RRP7A: variants seen among roughly 807,000 people sequenced by gnomAD.
RRP7A encodes ribosomal RNA-processing protein 7 homolog A.
A neutral mutation model predicts 38.4 loss-of-function variants in RRP7A; 27 were observed. The ratio of observed to expected loss-of-function variants is 0.70; its 90% CI spans 0.52 to 0.97. The LOEUF (loss-of-function observed/expected upper bound fraction) is 0.97. RRP7A is among the 50% of genes least tolerant of loss of function. RRP7A has a pLI of 0.00. For missense variants in RRP7A, 327 were observed against 375.4 expected, an observed-to-expected ratio of 0.87 and a Z score of 1.07; for synonymous variants, 124 against 150.3, an observed-to-expected ratio of 0.83 and a Z score of 1.28.
chr22:42,514,190 C>A lies in RRP7A; in HGVS notation c.673G>T (p.Val225Leu). The change falls in exon 6 of 7, where the codon GTG becomes TTG. Residue 225 changes from valine (V) to leucine (L), a missense_variant. Physicochemically the swap from Val to Leu is conservative, Grantham distance 32. Transcript: ENST00000323013. ...CGCTTCCGTCTCTCCCTCTCCAGCA[C>A]CCGCAAGCTGGCTGCCTCAGTCCGG... Reference protein sequence around the residue: ...LPRTEAASLRVLERERRKRSR... With the variant: ...LPRTEAASLRLLERERRKRSR... The A allele has an allele frequency of 6.2e-7, 1 of 1,612,528 alleles. No homozygotes were observed.
At chr22:42,518,528 G>C (rs1033954913) in intron 1 of RRP7A, 1 of 437,242 alleles carries the variant, frequency 2.3e-6, no homozygotes, top group Non-Finnish European at 4.8e-6. Flanking sequence ...CCAGCACCTT[G>C]GATTCTCTGT....
Position 42,514,096 on chromosome 22 carries a change from G to C in RRP7A, c.757+10C>G. 6.2e-7 allele frequency: 1 copy of C among 1,610,210 alleles called. No individual in the cohort carries two copies. The highest frequency in any genetic ancestry group is 8.5e-7 in the Non-Finnish European group (1 of 1,178,710). ...CCGAGGGGTCTGAGGATGGACTGGGGGTGGCTTACGCTCCATCTTGCTCTC... is the reference window on the plus strand; with the variant it reads ...CCGAGGGGTCTGAGGATGGACTGGGCGTGGCTTACGCTCCATCTTGCTCTC... On this transcript the variant is annotated intron_variant, in intron 6 of 6. Coordinates refer to ENST00000323013, the MANE Select transcript of RRP7A (RefSeq NM_015703.5).
rs201458358 is a variant in RRP7A at position 42,515,994 on chromosome 22, C to G, written c.342+17G>C. On this transcript the variant is annotated intron_variant, in intron 3 of 6. Coordinates refer to ENST00000323013, the MANE Select transcript of RRP7A (RefSeq NM_015703.5). ...CACCCCCCTCACTCTAGTGGAACCCCGGGCTTGGCGGCTCACCGGAACTGG... is the reference window on the plus strand; with the variant it reads ...CACCCCCCTCACTCTAGTGGAACCCGGGGCTTGGCGGCTCACCGGAACTGG... 1.3e-6 allele frequency: 2 copies of G among 1,578,210 alleles called. No homozygotes were observed. The highest frequency in any genetic ancestry group is 1.3e-5 in the African/African-American group (1 of 74,170).
Position 42,510,754 on chromosome 22 carries a change from A to C in RRP7A, c.*2156T>G, listed in dbSNP as rs1302660625. 4.0e-5 allele frequency: 59 copies of C among 1,483,386 alleles called. No individual in the cohort carries two copies. The highest frequency in any genetic ancestry group is 1.6e-4 in the Admixed American group (8 of 49,856). The allele number at this position is 1,483,386 out of a possible 1,614,324, so 91.9% of individuals were successfully genotyped here. ...GGCGGGGCTCAGGCAGCTGGTGTCC[A>C]GCCACTGTCGCCCACTCTGGTCCCA... On this transcript the variant is annotated 3_prime_UTR_variant, in exon 7 of 7. Transcript: ENST00000323013.
In RRP7A at chr22:42,508,989, G is replaced by A; in HGVS notation, c.*3921C>T. ...GTTTCGTGCCCACGAGAGTGCCTGT[G>A]CCTTGTGACGAGAATTCACCATGTT... On this transcript the variant is annotated 3_prime_UTR_variant, in exon 7 of 7. Coordinates refer to ENST00000323013, the MANE Select transcript of RRP7A (RefSeq NM_015703.5). The A allele has an allele frequency of 6.2e-7, 1 of 1,612,830 alleles. No homozygotes were observed. Among genetic ancestry groups the A allele is most frequent in the Non-Finnish European group, 8.5e-7 (1 of 1,179,082 alleles).
intron 2 of RRP7A, among the ~76,000 whole-genome samples, chr22:42,516,662 C>T (rs915130284): frequency 2.0e-5 from 3 of 152,210 alleles, no homozygotes; most frequent in African/African-American, 7.2e-5. Context: ...TGCTGTTATT[C>T]TGATTTCCTA....
chr22:42,518,103 G>T lies in RRP7A; in HGVS notation c.118C>A (p.Leu40Ile). ...CGAACGCCGTGTGCTCTCACATAGA[G>T]GTAGTGAGAAGCCTGTTGCTTTTCA... ...FSEKQQASHY[L>I]YVRAHGVRQG... Residue 40 changes from leucine to isoleucine, a missense_variant, in exon 2 of 7, where the codon CTC (leucine) becomes ATC (isoleucine). Leu to Ile is a conservative substitution (Grantham distance 5). Around this residue, in one of 5 missense-constraint regions of RRP7A, gnomAD observed 183 missense variants for 141.8 expected, o/e 1.29. Coordinates refer to ENST00000323013, the MANE Select transcript of RRP7A (RefSeq NM_015703.5). 1 of 1,613,806 alleles carries T rather than the reference G, an allele frequency of 6.2e-7. No individual in the cohort carries two copies. Among genetic ancestry groups the T allele is most frequent in the Non-Finnish European group, 8.5e-7 (1 of 1,179,786 alleles).
chr22:42,513,910 T>A (rs959765762), intron 6 of RRP7A, among the ~76,000 whole-genome samples, 196 bp downstream of exon 6: 16 of 151,494 alleles, frequency 1.1e-4, no homozygotes, highest in African/African-American at 3.4e-4. Flanking sequence ...CCCTAGGGGG[T>A]GATGGGGAAC....
At position 42,513,175 on chromosome 22, in the gene RRP7A, C is replaced by A. The variant is rs567130837; in HGVS notation, c.758-180G>T. 7.8e-4 allele frequency among the ~76,000 whole-genome samples: 113 copies of A among 145,750 alleles called. 6 individuals carry two copies. The highest frequency in any genetic ancestry group is 1.3e-3 in the Non-Finnish European group (82 of 65,466). ...TCTGGATCTTGTCAGGAAACAGAAC[C>A]GACGGCAGGCCGAGTCCAAGGGCAA... On this transcript the variant is annotated intron_variant, in intron 6 of 6. Coordinates refer to ENST00000323013, the MANE Select transcript of RRP7A (RefSeq NM_015703.5).
At position 42,509,522 on chromosome 22, in the gene RRP7A, G is replaced by A. The variant is rs531880748; in HGVS notation, c.*3388C>T. 1.9e-4 allele frequency among the ~76,000 whole-genome samples: 28 copies of A among 149,952 alleles called. No individual in the cohort carries two copies. In the South Asian group the frequency reaches 5.4e-3, roughly 29 times the overall value. ...TTATTTTTGTATTTTTAGTAGAGAC[G>A]AGGTTTCGCCATGTTGGCCAGGCTG... is the stretch of plus-strand genomic sequence containing the variant. On this transcript the variant is annotated 3_prime_UTR_variant, in exon 7 of 7. Transcript: ENST00000323013.
Position 42,508,830 on chromosome 22 carries a change from G to T in RRP7A, c.*4080C>A, listed in dbSNP as rs1432888825. 6.6e-6 allele frequency among the ~76,000 whole-genome samples: 1 copy of T among 152,218 alleles called. No individual in the cohort carries two copies. The highest frequency in any genetic ancestry group is 6.5e-5 in the Admixed American group (1 of 15,290). On this transcript the variant is annotated 3_prime_UTR_variant, in exon 7 of 7. Transcript: ENST00000323013. Reference sequence around the variant, plus strand: ...CCCAGGAAGAGGGGAGAACAGACTTGGAGAGGGCAGGAGTCTCTGGCCACC... The same window carrying T: ...CCCAGGAAGAGGGGAGAACAGACTTTGAGAGGGCAGGAGTCTCTGGCCACC...
In RRP7A at chr22:42,512,528, C is replaced by A. The variant is rs570792272; in HGVS notation, c.*382G>T. On this transcript the variant is annotated 3_prime_UTR_variant, in exon 7 of 7. Transcript: ENST00000323013. ...CACCTAGCCTTTCCCTGCTGCCCAA[C>A]TGGATGGAAAATAAAAGGTTCTTGT... 4 of 544,316 alleles carry A rather than the reference C, an allele frequency of 7.3e-6. No homozygotes were observed. Among genetic ancestry groups the A allele is most frequent in the Non-Finnish European group, 1.3e-5 (4 of 303,532 alleles). The allele number at this position is 544,316 out of a possible 1,614,324, so 33.7% of individuals were successfully genotyped here. A position where few individuals can be genotyped will look rare whatever the true frequency, so the allele number is the denominator to read the frequency against.
rs1202250421 is a variant in RRP7A at position 42,512,792 on chromosome 22, C to T, written c.*118G>A. 8.9e-6 allele frequency: 9 copies of T among 1,011,802 alleles called. No individual in the cohort carries two copies. The highest frequency in any genetic ancestry group is 2.9e-4 in the Middle Eastern group (1 of 3,504). 62.7% of individuals were successfully genotyped at this position (1,011,802 alleles called of 1,614,324 possible). On this transcript the variant is annotated 3_prime_UTR_variant, in exon 7 of 7. Transcript: ENST00000323013. ...TGGACTCTGATGGGGCTGTTGGACG[C>T]GGTGGCCTTCAACCTGGGGCCCGTT...
In RRP7A at chr22:42,511,222, G is replaced by A. The variant is rs1244863631; in HGVS notation, c.*1688C>T. The stretch of plus-strand genomic sequence containing the variant: ...GATGGAGTCTCACTCTGTCGCTCAG[G>A]CTGGAGTGCAGTGGGAAGATCTCAG... On this transcript the variant is annotated 3_prime_UTR_variant, in exon 7 of 7. Transcript: ENST00000323013. The A allele has an allele frequency of 6.6e-6, 1 of 151,978 alleles. No homozygotes were observed. The highest frequency in any genetic ancestry group is 1.5e-5 in the Non-Finnish European group (1 of 68,202). The allele number at this position is 151,978 out of a possible 1,614,324, so 9.4% of individuals were successfully genotyped here.
rs1555985854 is a variant in RRP7A at position 42,509,850 on chromosome 22, G to GGTGGGTGTGTGTGT, written c.*3059_*3060insACACACACACCCAC. Reference sequence around the variant, plus strand: ...AAGCCTGTTGGGGGTGGGGGGGTGGGGTGTGTGTGTGTGTGTGTAAGCTCA... The same window carrying GGTGGGTGTGTGTGT: ...AAGCCTGTTGGGGGTGGGGGGGTGGGGTGGGTGTGTGTGTGTGTGTGTGTGTGTGTGTAAGCTCA... On this transcript the variant is annotated 3_prime_UTR_variant, in exon 7 of 7. Transcript: ENST00000323013. The GGTGGGTGTGTGTGT allele has an allele frequency of 3.5e-5, 2 of 56,862 alleles. 1 individual carries two copies. The highest frequency in any genetic ancestry group is 6.9e-5 in the Non-Finnish European group (2 of 29,030). 3.5% of individuals were successfully genotyped at this position (56,862 alleles called of 1,614,324 possible). A position where few individuals can be genotyped will look rare whatever the true frequency, so the allele number is the denominator to read the frequency against.
chr22:42,511,068 G>A lies in RRP7A; in HGVS notation c.*1842C>T, dbSNP rs1331220006. 6.5e-6 allele frequency: 1 copy of A among 154,964 alleles called. No homozygotes were observed. Among genetic ancestry groups the A allele is most frequent in the African/African-American group, 2.4e-5 (1 of 41,514 alleles). 9.6% of individuals were successfully genotyped at this position (154,964 alleles called of 1,614,324 possible). A position where few individuals can be genotyped will look rare whatever the true frequency, so the allele number is the denominator to read the frequency against. Reference sequence around the variant, plus strand: ...GGTCTCATTCTGTTGCTCAGGCTCAGTCATAGCTCACTGCAGCCTCAAACT... The same window carrying A: ...GGTCTCATTCTGTTGCTCAGGCTCAATCATAGCTCACTGCAGCCTCAAACT... On this transcript the variant is annotated 3_prime_UTR_variant, in exon 7 of 7. Transcript: ENST00000323013.
At chr22:42,513,541 G>C (rs1920922942) in intron 6 of RRP7A, among the ~76,000 whole-genome samples, 1 of 118,756 alleles carries the variant, frequency 8.4e-6, no homozygotes, top group Non-Finnish European at 1.8e-5. Flanking sequence ...GCCCTAGCCA[G>C]GGCCAGGAGA....
Position 42,513,997 on chromosome 22 carries a change from C to T in RRP7A, c.757+109G>A, listed in dbSNP as rs1041059324. 3.1e-6 allele frequency: 3 copies of T among 959,028 alleles called. No individual in the cohort carries two copies. In the African/African-American group the frequency reaches 4.7e-5, roughly 15 times the overall value. The allele number at this position is 959,028 out of a possible 1,614,324, so 59.4% of individuals were successfully genotyped here. On this transcript the variant is annotated intron_variant, in intron 6 of 6. Coordinates refer to ENST00000323013, the MANE Select transcript of RRP7A (RefSeq NM_015703.5). ...AGCCCCGTGCTTAGGGACGCCCTCC[C>T]TCCTCGACCACCAAGTCCAGCGCCC...
chr22:42,517,993 A>C lies in RRP7A; in HGVS notation c.216+12T>G. The C allele has an allele frequency of 1.2e-6, 2 of 1,611,032 alleles. No individual in the cohort carries two copies. The highest frequency in any genetic ancestry group is 1.7e-6 in the Non-Finnish European group (2 of 1,178,468). The stretch of plus-strand genomic sequence containing the variant: ...AGCCCACAGGTCTCCTCCCAGACAG[A>C]CACTAGCTCACCTCTGTGCAGTATG... On this transcript the variant is annotated intron_variant, in intron 2 of 6. Coordinates refer to ENST00000323013, the MANE Select transcript of RRP7A (RefSeq NM_015703.5).
Sources: gnomAD v4.1 joint callset for allele counts (sites outside exome capture counted in the v4.1 genomes callset) on GRCh38, gnomAD v4.1.1 for gene constraint, gnomAD v4.1.1 regional missense constraint, MANE v1.5 for transcripts, NCBI Gene and HGNC (gene_info 2026-07-23, HGNC 2026-07-21) for gene names.